Variants in ZFHX3 observed in about 807,000 individuals in gnomAD.
ZFHX3 encodes zinc finger homeobox protein 3.
In ZFHX3, 42 loss-of-function variants were observed where a neutral mutation model predicts 279.1. The ratio of observed to expected loss-of-function variants is 0.15; its 90% CI spans 0.12 to 0.19. The LOEUF (loss-of-function observed/expected upper bound fraction) is 0.19, where lower values mean the gene tolerates loss of function less well. Ranked by LOEUF, ZFHX3 falls within the 10% of genes least tolerant of loss-of-function variation. ZFHX3 has a pLI of 1.00. For synonymous variants in ZFHX3, 2,293 were observed against 1,957.8 expected (o/e 1.17, Z -4.52); for missense variants, 4,981 against 4,754.0 (o/e 1.05, Z -1.40).
chr16:73,589,369 A>G (rs921513598), intron 2 of ZFHX3, among the ~76,000 whole-genome samples: 2 of 149,422 alleles, frequency 1.3e-5, no homozygotes, highest in Non-Finnish European at 3.0e-5. Context: ...CCGAGAGGTT[A>G]AGATTGCAGT....
intron 2 of ZFHX3, among the ~76,000 whole-genome samples, chr16:73,623,033 C>T (rs1210857417): frequency 9.7e-6 from 1 of 103,496 alleles, no homozygotes; most frequent in Non-Finnish European, 2.1e-5. Context: ...CAGAAGGGCA[C>T]ATTGTATTTT....
chr16:73,798,283 G>A (rs1291071784), intron 1 of ZFHX3, among the ~76,000 whole-genome samples: 1 of 151,964 alleles, frequency 6.6e-6, no homozygotes, highest in Non-Finnish European at 1.5e-5. Context: ...GGGGTGGGGA[G>A]GCGGAATTCT....
intron 1 of ZFHX3, among the ~76,000 whole-genome samples, chr16:73,033,350 G>C (rs1486456551): frequency 1.3e-5 from 2 of 151,266 alleles, no homozygotes; most frequent in South Asian, 4.1e-4. Context: ...CCGAGGGTTC[G>C]TCCTCAACTA....
chr16:73,027,415 A>G (rs1376474830), intron 1 of ZFHX3, among the ~76,000 whole-genome samples: 1 of 152,234 alleles, frequency 6.6e-6, no homozygotes, highest in African/African-American at 2.4e-5. Context: ...TCTGACAGCA[A>G]TACAGCTTGC....
intron 5 of ZFHX3, among the ~76,000 whole-genome samples, chr16:73,213,823 G>A (rs747084382): frequency 6.6e-6 from 1 of 152,108 alleles, no homozygotes; most frequent in Non-Finnish European, 1.5e-5. Flanking sequence ...GCAGATACAT[G>A]TCTCAAATTC....
rs577140940 is a variant in ZFHX3 at position 73,842,164 on chromosome 16, C to T, written c.-1608+49487G>A. ...CTGGGAGGTGGAGGTTGCAGTGAGC[C>T]GAGATTGCACCACTGCACTCCAGCC... On this transcript the variant is annotated intron_variant, in intron 1 of 17. Coordinates refer to the ZFHX3 transcript ENST00000641206. 1.4e-3 allele frequency among the ~76,000 whole-genome samples: 205 copies of T among 151,424 alleles called. 1 individual carries two copies. Among genetic ancestry groups the T allele is most frequent in the Non-Finnish European group, 6.6e-4 (45 of 67,882 alleles).
intron 4 of ZFHX3, among the ~76,000 whole-genome samples, chr16:72,867,887 G>T (rs1053673733): frequency 6.6e-6 from 1 of 152,170 alleles, no homozygotes; most frequent in African/African-American, 2.4e-5. Flanking sequence ...GGTGTTTGTG[G>T]AGGCCAAAAA....
At chr16:73,588,800 C>T (rs1032586493) in intron 2 of ZFHX3, among the ~76,000 whole-genome samples, 1 of 151,304 alleles carries the variant, frequency 6.6e-6, no homozygotes, top group East Asian at 1.9e-4. Flanking sequence ...AGAAAATTCT[C>T]TATAACAAAT....
intron 3 of ZFHX3, among the ~76,000 whole-genome samples, chr16:73,373,836 T>C (rs1467999686): frequency 6.6e-6 from 1 of 152,232 alleles, no homozygotes; most frequent in Non-Finnish European, 1.5e-5. Flanking sequence ...AATTTTGAGT[T>C]AACCCTTCAG....
At chr16:73,660,436 A>C (rs1567544971) in intron 2 of ZFHX3, among the ~76,000 whole-genome samples, 1 of 152,232 alleles carries the variant, frequency 6.6e-6, no homozygotes. Flanking sequence ...GAGGGCACAG[A>C]AGAAAATGGT....
intron 2 of ZFHX3, among the ~76,000 whole-genome samples, chr16:73,578,006 G>C (rs892358279): frequency 6.6e-6 from 1 of 152,134 alleles, no homozygotes; most frequent in Non-Finnish European, 1.5e-5. Flanking sequence ...CAATCACTCC[G>C]GCCAAACTGG....
chr16:73,288,935 A>G (rs1022383243), intron 4 of ZFHX3, among the ~76,000 whole-genome samples: 27 of 149,440 alleles, frequency 1.8e-4, no homozygotes, highest in African/African-American at 4.0e-4. Context: ...CTTCAAGGGG[A>G]AAAAAAACCC....
At chr16:73,057,357 CAACTT>C (rs1051160624) in intron 1 of ZFHX3, among the ~76,000 whole-genome samples, 6 of 152,142 alleles carry the variant, frequency 3.9e-5, no homozygotes, top group African/African-American at 1.2e-4. Context: ...AGTCCATACA[CAACTT>C]AATTATATAC....
At chr16:73,663,002 T>C (rs1011796893) in intron 2 of ZFHX3, among the ~76,000 whole-genome samples, 4 of 152,172 alleles carry the variant, frequency 2.6e-5, no homozygotes, top group Non-Finnish European at 4.4e-5. Flanking sequence ...GGATCGTGAT[T>C]TGCTAAAAGC....
intron 1 of ZFHX3, among the ~76,000 whole-genome samples, chr16:73,030,196 A>C (rs928388519): frequency 6.6e-6 from 1 of 152,206 alleles, no homozygotes; most frequent in Non-Finnish European, 1.5e-5. Flanking sequence ...GAGCCCACCC[A>C]AGGGCAAGAG....
chr16:73,778,017 G>A (rs1455725507), intron 1 of ZFHX3, among the ~76,000 whole-genome samples: 3 of 151,824 alleles, frequency 2.0e-5, no homozygotes, highest in East Asian at 3.9e-4. Flanking sequence ...ATGACAGAGT[G>A]AGACCCTGTC....
Position 73,105,418 on chromosome 16 carries a change from C to CAT in ZFHX3, c.-896-11822_-896-11821dup, listed in dbSNP as rs758485554. Among the ~76,000 whole-genome samples the CAT allele has an allele frequency of 9.1e-4, 83 of 91,040 alleles. 2 individuals are homozygous for CAT. Among genetic ancestry groups the CAT allele is most frequent in the Non-Finnish European group, 1.6e-3 (66 of 41,734 alleles). The allele number at this position is 91,040 out of a possible 152,430, so 59.7% of individuals were successfully genotyped here. A position where few individuals can be genotyped will look rare whatever the true frequency, so the allele number is the denominator to read the frequency against. On this transcript the variant is annotated intron_variant, in intron 7 of 17. Coordinates refer to the ZFHX3 transcript ENST00000641206. ...ACATATATATATATATACACACACA[C>CAT]ATATATATATATATACACACACACA...
chr16:73,798,152 G>T (rs1960048087), intron 1 of ZFHX3, among the ~76,000 whole-genome samples: 1 of 152,076 alleles, frequency 6.6e-6, no homozygotes, highest in South Asian at 2.1e-4. Flanking sequence ...TAACACTGTT[G>T]TCACTACTAT....
At chr16:73,384,037 T>C (rs2016858507) in intron 3 of ZFHX3, among the ~76,000 whole-genome samples, 1 of 152,184 alleles carries the variant, frequency 6.6e-6, no homozygotes. Context: ...GCAGATTATT[T>C]TGGAATCACG....
Sources: gnomAD v4.1 joint callset for allele counts (sites outside exome capture counted in the v4.1 genomes callset) on GRCh38, gnomAD v4.1.1 for gene constraint, MANE v1.5 for transcripts, NCBI Gene and HGNC (gene_info 2026-07-23, HGNC 2026-07-21) for gene names.